Variants in TAF3 observed in about 807,000 individuals in gnomAD.
TAF3 encodes TATA-box binding protein associated factor 3.
A neutral mutation model predicts 80.6 loss-of-function variants in TAF3; 7 were observed. The observed-to-expected ratio is 0.09, with a 90% confidence interval of 0.05 to 0.16. The LOEUF (loss-of-function observed/expected upper bound fraction) is 0.16. TAF3 is among the 10% of genes least tolerant of loss of function. The pLI is 1.00. For synonymous variants in TAF3, 444 were observed against 446.1 expected, an observed-to-expected ratio of 1.00 and a Z score of 0.06; for missense variants, 921 against 1,140.2, an observed-to-expected ratio of 0.81 and a Z score of 2.77.
intron 2 of TAF3, among the ~76,000 whole-genome samples, chr10:7,859,783 C>T (rs542984982): frequency 3.9e-5 from 6 of 152,308 alleles, no homozygotes; most frequent in African/African-American, 1.4e-4. Context: ...ATTTTATTCA[C>T]TGTTTCATTC....
Position 7,960,800 on chromosome 10 carries a change from A to G in TAF3, c.410-3120A>G, listed in dbSNP as rs1159869713. 2.7e-4 allele frequency among the ~76,000 whole-genome samples: 41 copies of G among 152,200 alleles called. 2 individuals are homozygous for G. The highest frequency in any genetic ancestry group is 2.7e-3 in the Admixed American group (41 of 15,286). On this transcript the variant is annotated intron_variant, in intron 2 of 6. Coordinates refer to ENST00000344293, the MANE Select transcript of TAF3 (RefSeq NM_031923.4). The stretch of plus-strand genomic sequence containing the variant: ...TTGTATTTTAGAATAGTGATTTTCA[A>G]ACATGTTTTAGCCTCACAACAAAAG...
At chr10:8,005,582 CCAAA>C (rs1398114324) in intron 4 of TAF3, among the ~76,000 whole-genome samples, 1 of 152,210 alleles carries the variant, frequency 6.6e-6, no homozygotes, top group East Asian at 1.9e-4. Flanking sequence ...TTCATCATAA[CCAAA>C]TATCAGACTT....
At chr10:7,963,435 A>C (rs1831530671) in intron 2 of TAF3, among the ~76,000 whole-genome samples, 1 of 152,224 alleles carries the variant, frequency 6.6e-6, no homozygotes, top group Admixed American at 6.5e-5. Context: ...GACAATGATC[A>C]ATTTGTACAT....
intron 2 of TAF3, among the ~76,000 whole-genome samples, chr10:7,886,073 G>A (rs1588538694): frequency 6.6e-6 from 1 of 151,848 alleles, no homozygotes; most frequent in Non-Finnish European, 1.5e-5. Context: ...GGACTACAGG[G>A]GTCCACCACC....
At chr10:7,829,865 T>C (rs1836781125) in intron 2 of TAF3, among the ~76,000 whole-genome samples, 1 of 152,234 alleles carries the variant, frequency 6.6e-6, no homozygotes, top group East Asian at 1.9e-4. Context: ...TTAGGAACTC[T>C]TCTGCATGGG....
intron 2 of TAF3, among the ~76,000 whole-genome samples, chr10:7,831,192 GA>G (rs1836796587): frequency 6.6e-6 from 1 of 152,124 alleles, no homozygotes; most frequent in Non-Finnish European, 1.5e-5. Flanking sequence ...TTTATATAGG[GA>G]AAGCAGGGTT....
intron 4 of TAF3, among the ~76,000 whole-genome samples, chr10:8,005,992 C>T (rs991432379): frequency 2.0e-5 from 3 of 152,042 alleles, no homozygotes; most frequent in Non-Finnish European, 4.4e-5. Context: ...TTGGTTTCTT[C>T]GTTTAAAAAG....
chr10:8,013,340 A>G (rs1564384038), intron 5 of TAF3, among the ~76,000 whole-genome samples: 3 of 152,184 alleles, frequency 2.0e-5, no homozygotes, highest in African/African-American at 2.4e-5. Flanking sequence ...GTGGAGCTCT[A>G]TAACTTTCAA....
At chr10:7,949,444 A>G (rs951318660) in intron 2 of TAF3, among the ~76,000 whole-genome samples, 9 of 152,246 alleles carry the variant, frequency 5.9e-5, no homozygotes, top group South Asian at 4.1e-4. Context: ...CACTTAGGGC[A>G]ACAGCCAAGC....
At chr10:7,870,668 A>G (rs1482691242) in intron 2 of TAF3, among the ~76,000 whole-genome samples, 1 of 152,180 alleles carries the variant, frequency 6.6e-6, no homozygotes, top group Non-Finnish European at 1.5e-5. Context: ...AACGAGCGGC[A>G]GAACTCGACA....
In TAF3 at chr10:8,009,626, CTT is replaced by C. The variant is rs1278793893; in HGVS notation, c.2568+307_2568+308del. On this transcript the variant is annotated intron_variant, in intron 5 of 6. Coordinates refer to ENST00000344293, the MANE Select transcript of TAF3 (RefSeq NM_031923.4). This position sits in a 1 kb window ranked among gnomAD's most constrained non-coding sequence, Gnocchi z 4.1. ...TGGCCAGACACGTTTCTTTTTTTTT[CTT>C]TTTTTTTTTTGAGACAGAGTTTCGC... Among the ~76,000 whole-genome samples, 1 of 142,710 alleles carries C rather than the reference CTT, an allele frequency of 7.0e-6. No individual in the cohort carries two copies. The allele number at this position is 142,710 out of a possible 152,430, so 93.6% of individuals were successfully genotyped here. A position where few individuals can be genotyped will look rare whatever the true frequency, so the allele number is the denominator to read the frequency against.
intron 6 of TAF3, 124 bp downstream of exon 6, chr10:8,013,961 A>G (rs1588351986): frequency 2.7e-6 from 2 of 730,586 alleles, no homozygotes; most frequent in African/African-American, 3.5e-5. Context: ...GGGACAGTAC[A>G]TGGAGTCAAA....
intron 2 of TAF3, among the ~76,000 whole-genome samples, chr10:7,861,215 T>C (rs939656154): frequency 1.3e-5 from 2 of 152,102 alleles, no homozygotes; most frequent in African/African-American, 4.8e-5. Flanking sequence ...CCGCCCGTCT[T>C]GGCCTCTGGA....
intron 2 of TAF3, among the ~76,000 whole-genome samples, chr10:7,940,610 A>G (rs1837966906): frequency 6.6e-6 from 1 of 152,202 alleles, no homozygotes; most frequent in Non-Finnish European, 1.5e-5. Flanking sequence ...GGGAATTATT[A>G]TTTGAGACAG....
chr10:7,821,550 A>G lies in TAF3; in HGVS notation c.166+2675A>G, dbSNP rs72781102. On this transcript the variant is annotated intron_variant, in intron 1 of 6. Transcript: ENST00000344293. ...GAAATGTTCTCAAGTTAAAGCAAGTATTAGAAGTTACCATTAATTCAAATA... is the reference window on the plus strand; with the variant it reads ...GAAATGTTCTCAAGTTAAAGCAAGTGTTAGAAGTTACCATTAATTCAAATA... Among the ~76,000 whole-genome samples, 797 of 152,388 alleles carry G rather than the reference A, an allele frequency of 5.2e-3. 7 individuals are homozygous for G. Among genetic ancestry groups the G allele is most frequent in the South Asian group, 0.024 (115 of 4,834 alleles).
At chr10:7,996,059 G>A (rs548140528) in intron 4 of TAF3, among the ~76,000 whole-genome samples, 5 of 152,254 alleles carry the variant, frequency 3.3e-5, no homozygotes, top group South Asian at 2.1e-4. Flanking sequence ...TAGAAAAATC[G>A]AACACCTGGT....
intron 2 of TAF3, among the ~76,000 whole-genome samples, chr10:7,946,760 C>T (rs1838028418): frequency 6.6e-6 from 1 of 152,010 alleles, no homozygotes; most frequent in African/African-American, 2.4e-5. Flanking sequence ...CACTCTACAT[C>T]ACTACCACCT....
chr10:8,002,358 G>A (rs994592262), intron 4 of TAF3, among the ~76,000 whole-genome samples: 1 of 152,038 alleles, frequency 6.6e-6, no homozygotes, highest in Non-Finnish European at 1.5e-5. Flanking sequence ...CTTTTTGGCG[G>A]GAGCTATAAT....
intron 2 of TAF3, among the ~76,000 whole-genome samples, chr10:7,920,328 GTGTA>G (rs1257398954): frequency 6.0e-5 from 2 of 33,538 alleles, no homozygotes; most frequent in African/African-American, 5.8e-5. Context: ...GTGTGTGTGT[GTGTA>G]TGTGTGTGTG....
Sources: allele counts gnomAD v4.1 joint callset (sites outside exome capture counted in the v4.1 genomes callset), GRCh38; gene constraint gnomAD v4.1.1; non-coding constraint Gnocchi (gnomAD v3.1); transcripts MANE v1.5; gene names NCBI Gene and HGNC (gene_info 2026-07-23, HGNC 2026-07-21).